Variants in CDH13 observed in about 807,000 individuals in gnomAD.
CDH13 encodes the protein cadherin-13.
Under a neutral mutation model 63.8 loss-of-function variants are expected in CDH13, and 24 were observed. That is an observed-to-expected ratio of 0.38 (90% CI 0.27 to 0.53). CDH13 has a LOEUF of 0.53. CDH13 is among the 20% of genes least tolerant of loss of function. CDH13 has a pLI of 0.85. For missense variants in CDH13, 1,049 were observed against 903.1 expected, an observed-to-expected ratio of 1.16 and a Z score of -2.07; for synonymous variants, 503 against 355.3, an observed-to-expected ratio of 1.42 and a Z score of -4.67.
intron 10 of CDH13, chr16:83,721,825 C>T (rs570306345): frequency 1.6e-4 from 24 of 152,276 alleles, no homozygotes; most frequent in Admixed American, 6.5e-4. Context: ...TGAATGAGAT[C>T]GTTGCATCTA....
At chr16:83,160,787 A>G (rs2037413917) in intron 4 of CDH13, among the ~76,000 whole-genome samples, 1 of 152,202 alleles carries the variant, frequency 6.6e-6, no homozygotes, top group Admixed American at 6.5e-5. Context: ...CTGCACAACA[A>G]CTGTAACCAT....
intron 10 of CDH13, among the ~76,000 whole-genome samples, chr16:83,702,509 G>T (rs1046848702): frequency 1.3e-5 from 2 of 152,138 alleles, no homozygotes; most frequent in Non-Finnish European, 2.9e-5. Flanking sequence ...TTGCAGCCAG[G>T]CCCAGAAGTG....
chr16:82,834,072 T>C (rs1326007119), intron 1 of CDH13, among the ~76,000 whole-genome samples: 1 of 152,226 alleles, frequency 6.6e-6, no homozygotes, highest in Non-Finnish European at 1.5e-5. Context: ...TCATCTGCTT[T>C]CAAAAGATAA....
At chr16:82,798,600 G>A (rs2151155136) in intron 1 of CDH13, among the ~76,000 whole-genome samples, 1 of 152,302 alleles carries the variant, frequency 6.6e-6, no homozygotes, top group East Asian at 1.9e-4. Flanking sequence ...ACTCAGGGCT[G>A]TTTTTGGAAG....
chr16:83,151,926 C>T (rs530136684), intron 4 of CDH13, among the ~76,000 whole-genome samples: 35 of 150,880 alleles, frequency 2.3e-4, no homozygotes, highest in African/African-American at 7.6e-4. Context: ...CGCGCCATTG[C>T]GCTCCAGCCT....
chr16:82,867,490 C>G (rs950050540), intron 2 of CDH13, among the ~76,000 whole-genome samples: 1 of 152,164 alleles, frequency 6.6e-6, no homozygotes. Flanking sequence ...ACCCTTAACT[C>G]TCAGCTTTCC....
intron 2 of CDH13, among the ~76,000 whole-genome samples, chr16:82,902,318 T>A (rs1404893220): frequency 6.6e-6 from 1 of 152,082 alleles, no homozygotes; most frequent in Admixed American, 6.6e-5. Flanking sequence ...TCTGGAGATT[T>A]GCCTTATAAA....
intron 6 of CDH13, among the ~76,000 whole-genome samples, chr16:83,453,160 A>G (rs948478910): frequency 6.6e-5 from 10 of 152,238 alleles, no homozygotes; most frequent in African/African-American, 2.4e-4. Flanking sequence ...TGTGGGAACT[A>G]AGCAATGAAG....
At chr16:83,609,364 C>G (rs1908653112) in intron 8 of CDH13, among the ~76,000 whole-genome samples, 3 of 151,170 alleles carry the variant, frequency 2.0e-5, no homozygotes, top group Admixed American at 6.6e-5. Flanking sequence ...AATTTCCAGT[C>G]TTCTTGTGTA....
At chr16:83,040,587 C>A (rs941974454) in intron 3 of CDH13, among the ~76,000 whole-genome samples, 2 of 152,186 alleles carry the variant, frequency 1.3e-5, no homozygotes, top group Non-Finnish European at 2.9e-5. Context: ...TCTGCTCTTT[C>A]CATGCCTGGT....
chr16:83,503,747 T>A (rs1000179996), intron 7 of CDH13, among the ~76,000 whole-genome samples: 2 of 152,186 alleles, frequency 1.3e-5, no homozygotes, highest in East Asian at 1.9e-4. Context: ...TGTTTGTTTT[T>A]TTTCTTGTAA....
chr16:83,187,024 G>A lies in CDH13; in HGVS notation c.484-30321G>A, dbSNP rs369398379. ...CTCGCTCTGTCACCCAGGCTGGAGT[G>A]CAGTGGTGTGATCTCAGCTCACTGC... On this transcript the variant is annotated intron_variant, in intron 4 of 13. Coordinates refer to ENST00000567109, the MANE Select transcript of CDH13 (RefSeq NM_001257.5). Among the ~76,000 whole-genome samples, 25 of 152,184 alleles carry A rather than the reference G, an allele frequency of 1.6e-4. No homozygotes were observed. In the East Asian group the frequency reaches 2.7e-3, roughly 16 times the overall value.
chr16:82,901,067 A>T (rs1397644756), intron 2 of CDH13, among the ~76,000 whole-genome samples: 1 of 118,304 alleles, frequency 8.5e-6, no homozygotes, highest in Non-Finnish European at 1.7e-5. Context: ...GCCAAAATGT[A>T]TATTGATTTT....
rs144027311 is a variant in CDH13, at chr16:83,353,098, G to T, written c.781+8092G>T. On this transcript the variant is annotated intron_variant, in intron 6 of 13. Coordinates refer to ENST00000567109, the MANE Select transcript of CDH13 (RefSeq NM_001257.5). ...TGGAAGCGTGGCAAGGGTGTAACGT[G>T]TGAGAAATTGCTTAATGAGTACAAT... Among the ~76,000 whole-genome samples the T allele has an allele frequency of 7.2e-5, 11 of 152,336 alleles. No individual in the cohort carries two copies. In the East Asian group the frequency reaches 2.1e-3, roughly 29 times the overall value.
At chr16:83,714,255 T>C (rs1376239592) in intron 10 of CDH13, among the ~76,000 whole-genome samples, 2 of 152,248 alleles carry the variant, frequency 1.3e-5, no homozygotes, top group African/African-American at 4.8e-5. Context: ...GTTGCTTTAG[T>C]GTCTTGCCCC....
chr16:83,301,157 A>G (rs1356461827), intron 5 of CDH13, among the ~76,000 whole-genome samples: 2 of 145,854 alleles, frequency 1.4e-5, no homozygotes, highest in Non-Finnish European at 3.0e-5. Flanking sequence ...TCAGCCTCCC[A>G]AGTAGCTGGG....
chr16:83,656,234 G>C (rs1912856144), intron 8 of CDH13, among the ~76,000 whole-genome samples: 1 of 152,136 alleles, frequency 6.6e-6, no homozygotes, highest in Admixed American at 6.5e-5. Flanking sequence ...AGAAAAGAGA[G>C]GAATCAAAAG....
intron 6 of CDH13, among the ~76,000 whole-genome samples, chr16:83,484,314 T>G (rs1238740602): frequency 6.6e-6 from 1 of 152,262 alleles, no homozygotes; most frequent in Non-Finnish European, 1.5e-5. Flanking sequence ...TGACTATTCC[T>G]GCTGCTTTGT....
At chr16:83,755,577 C>G in intron 11 of CDH13, among the ~76,000 whole-genome samples, 1 of 152,034 alleles carries the variant, frequency 6.6e-6, no homozygotes. Flanking sequence ...GAGGCATTTA[C>G]CTGCAAATGA....
Sources: allele counts gnomAD v4.1 joint callset (sites outside exome capture counted in the v4.1 genomes callset), GRCh38; gene constraint gnomAD v4.1.1; transcripts MANE v1.5; gene names NCBI Gene and HGNC (gene_info 2026-07-23, HGNC 2026-07-21).